The following CPEB3 variants were observed in gnomAD, a reference collection of about 807,000 sequenced individuals.
The protein encoded by CPEB3 is cytoplasmic polyadenylation element-binding protein 3.
In CPEB3, 20 loss-of-function variants were observed where a neutral mutation model predicts 67.2. That is an observed-to-expected ratio of 0.30 (90% CI 0.21 to 0.43). CPEB3 has a LOEUF of 0.43. Ranked by LOEUF, CPEB3 falls within the 20% of genes least tolerant of loss-of-function variation. CPEB3 has a pLI of 1.00. For missense variants in CPEB3, 746 were observed against 968.6 expected, an observed-to-expected ratio of 0.77 and a Z score of 3.05; for synonymous variants, 376 against 393.1, an observed-to-expected ratio of 0.96 and a Z score of 0.51.
intron 6 of CPEB3, among the ~76,000 whole-genome samples, chr10:92,112,521 G>A (rs764865825): frequency 3.3e-5 from 5 of 152,214 alleles, no homozygotes; most frequent in African/African-American, 7.2e-5. Flanking sequence ...CTACAAAGCT[G>A]AGGGAGATAA....
At chr10:92,144,372 AG>A (rs1846580259) in intron 5 of CPEB3, among the ~76,000 whole-genome samples, 1 of 152,120 alleles carries the variant, frequency 6.6e-6, no homozygotes, top group Admixed American at 6.5e-5. Context: ...CCTGGGCTCA[AG>A]TGATCTCCCA....
rs1012020507 is a variant in CPEB3 at position 92,194,998 on chromosome 10, C to T, written c.1006-2362G>A. ...GGTGGAGCTTGCAGTGAGCCGAGATCGCGCCACTGCACTCCAGCCTGGGCG... is the reference window on the plus strand; with the variant it reads ...GGTGGAGCTTGCAGTGAGCCGAGATTGCGCCACTGCACTCCAGCCTGGGCG... On this transcript the variant is annotated intron_variant, in intron 2 of 9. Transcript: ENST00000265997. 4.6e-5 allele frequency among the ~76,000 whole-genome samples: 7 copies of T among 151,076 alleles called. No homozygotes were observed. The South Asian group carries it at 1.0e-3, about 22-fold the overall frequency.
At chr10:92,208,164 AT>A (rs969096809) in intron 2 of CPEB3, among the ~76,000 whole-genome samples, 26 of 152,328 alleles carry the variant, frequency 1.7e-4, no homozygotes, top group South Asian at 4.1e-4. Flanking sequence ...AAATTAGATT[AT>A]TTTGTAGCCT....
intron 2 of CPEB3, among the ~76,000 whole-genome samples, chr10:92,196,888 C>A (rs1849265638): frequency 6.6e-6 from 1 of 150,526 alleles, no homozygotes; most frequent in African/African-American, 2.4e-5. Flanking sequence ...GCCTAGATCA[C>A]ACCACTGCAC....
chr10:92,148,671 G>A (rs1311790286), intron 4 of CPEB3, among the ~76,000 whole-genome samples: 1 of 152,128 alleles, frequency 6.6e-6, no homozygotes, highest in Admixed American at 6.6e-5. Flanking sequence ...CACCAAAAAT[G>A]TTAAATGTGA....
chr10:92,097,231 T>C (rs902746701), intron 7 of CPEB3, among the ~76,000 whole-genome samples: 1 of 152,220 alleles, frequency 6.6e-6, no homozygotes, highest in Admixed American at 6.5e-5. Flanking sequence ...GAAACTTCAA[T>C]ATTCTAAAAT....
intron 4 of CPEB3, among the ~76,000 whole-genome samples, chr10:92,163,227 G>A (rs1847580992): frequency 6.6e-6 from 1 of 152,192 alleles, no homozygotes; most frequent in African/African-American, 2.4e-5. Context: ...CTGAGGTCAG[G>A]AGTTCAAGAC....
intron 1 of CPEB3, among the ~76,000 whole-genome samples, chr10:92,251,360 T>A (rs2134788910): frequency 6.6e-6 from 1 of 152,272 alleles, no homozygotes; most frequent in African/African-American, 2.4e-5. Context: ...ACATGTGGGA[T>A]TGTATTCTCT....
chr10:92,246,839 A>T (rs1034931588), intron 1 of CPEB3, among the ~76,000 whole-genome samples: 2 of 152,120 alleles, frequency 1.3e-5, no homozygotes, highest in African/African-American at 4.8e-5. Context: ...GTAACATAGA[A>T]ATTTTTAAGT....
At chr10:92,104,260 G>A (rs998276452) in intron 7 of CPEB3, among the ~76,000 whole-genome samples, 1 of 152,022 alleles carries the variant, frequency 6.6e-6, no homozygotes, top group African/African-American at 2.4e-5. Context: ...CAAGAGATTA[G>A]TCTTTGATGG....
intron 2 of CPEB3, among the ~76,000 whole-genome samples, chr10:92,212,085 TG>T (rs1850120411): frequency 1.3e-5 from 2 of 151,822 alleles, no homozygotes; most frequent in African/African-American, 4.8e-5. Flanking sequence ...TTCACTATGT[TG>T]GCCAGGCTGG....
At chr10:92,264,253 G>A (rs2134926799) in intron 1 of CPEB3, among the ~76,000 whole-genome samples, 2 of 151,862 alleles carry the variant, frequency 1.3e-5, no homozygotes, top group African/African-American at 4.8e-5. Context: ...ACTTGAACCT[G>A]GGAGGTGGAG....
rs529317802 is a variant in CPEB3 at position 92,269,911 on chromosome 10, T to G, written c.-12+21015A>C. On this transcript the variant is annotated intron_variant, in intron 1 of 9. Transcript: ENST00000265997. ...CTCCCTTATCAAATCCTAGGTCTCCTTCGGTGATACGACAGAAAAGGATTC... is the reference window on the plus strand; with the variant it reads ...CTCCCTTATCAAATCCTAGGTCTCCGTCGGTGATACGACAGAAAAGGATTC... Among the ~76,000 whole-genome samples, 8 of 152,188 alleles carry G rather than the reference T, an allele frequency of 5.3e-5. No individual in the cohort carries two copies. In the East Asian group the frequency reaches 1.4e-3, roughly 26 times the overall value.
rs546300433 is a variant in CPEB3 at position 92,048,387 on chromosome 10, T to TCTCACACACACACACACACA, written c.*3824_*3825insTGTGTGTGTGTGTGTGTGAG. On this transcript the variant is annotated 3_prime_UTR_variant, in exon 10 of 10. Coordinates refer to ENST00000265997, the MANE Select transcript of CPEB3 (RefSeq NM_014912.5). The surrounding 1 kb of genome is among the most constrained non-coding windows in gnomAD (Gnocchi z 4.1). ...TTCTCTCTCTCTCTCTCTCTCTCTC[T>TCTCACACACACACACACACA]CACACACACACACACACACACGACA... 15 of 141,380 alleles carry TCTCACACACACACACACACA rather than the reference T, an allele frequency of 1.1e-4. No individual in the cohort carries two copies. The highest frequency in any genetic ancestry group is 4.1e-4 in the African/African-American group (15 of 36,884). The allele number at this position is 141,380 out of a possible 1,614,324, so 8.8% of individuals were successfully genotyped here. A position where few individuals can be genotyped will look rare whatever the true frequency, so the allele number is the denominator to read the frequency against.
At chr10:92,079,403 C>T (rs1252898615) in intron 9 of CPEB3, among the ~76,000 whole-genome samples, 1 of 152,130 alleles carries the variant, frequency 6.6e-6, no homozygotes, top group Admixed American at 6.5e-5. Context: ...AAAGGGCATG[C>T]TCAGATTGCT....
chr10:92,069,523 C>G (rs1327182147), intron 9 of CPEB3, among the ~76,000 whole-genome samples: 2 of 152,100 alleles, frequency 1.3e-5, no homozygotes, highest in Non-Finnish European at 2.9e-5. Context: ...CCTGCCGTAG[C>G]CTCCTGAGTA....
chr10:92,115,555 T>C (rs1244133613), intron 6 of CPEB3, among the ~76,000 whole-genome samples: 2 of 152,200 alleles, frequency 1.3e-5, no homozygotes, highest in South Asian at 2.1e-4. Context: ...TGCTGTAATA[T>C]GAATGTTGAT....
chr10:92,210,511 T>C (rs1218094517), intron 2 of CPEB3, among the ~76,000 whole-genome samples: 3 of 152,120 alleles, frequency 2.0e-5, no homozygotes, highest in Non-Finnish European at 4.4e-5. Context: ...TAATGCAGGA[T>C]AGGAAAGTTG....
At chr10:92,210,181 C>T (rs139529825) in intron 2 of CPEB3, among the ~76,000 whole-genome samples, 1 of 152,252 alleles carries the variant, frequency 6.6e-6, no homozygotes, top group Non-Finnish European at 1.5e-5. Flanking sequence ...ACTGTAAGCA[C>T]TCAAATTTCA....
Sources: gnomAD v4.1 joint callset for allele counts (sites outside exome capture counted in the v4.1 genomes callset) on GRCh38, gnomAD v4.1.1 for gene constraint, Gnocchi (gnomAD v3.1) non-coding constraint, MANE v1.5 for transcripts, NCBI Gene and HGNC (gene_info 2026-07-23, HGNC 2026-07-21) for gene names.